The following PCDH15 variants were observed in gnomAD, a reference collection of about 807,000 sequenced individuals.
PCDH15 encodes protocadherin-15.
A neutral mutation model predicts 178.5 loss-of-function variants in PCDH15; 129 were observed. That is an observed-to-expected ratio of 0.72 (90% CI 0.63 to 0.84). PCDH15 has a LOEUF of 0.84. PCDH15 is among the 40% of genes least tolerant of loss of function. The pLI, the probability that PCDH15 is intolerant of heterozygous loss-of-function variation, is 0.00. For missense variants in PCDH15, 2,230 were observed against 2,099.9 expected (o/e 1.06, Z -1.21); for synonymous variants, 800 against 732.0 (o/e 1.09, Z -1.50).
intron 3 of PCDH15, among the ~76,000 whole-genome samples, chr10:54,850,948 T>C (rs1477483792): frequency 4.6e-5 from 7 of 152,172 alleles, no homozygotes; most frequent in Admixed American, 3.3e-4. Context: ...TAGAGGGCTT[T>C]AGCATGGAAG....
intron 2 of PCDH15, among the ~76,000 whole-genome samples, chr10:55,576,834 C>T (rs533134450): frequency 1.3e-4 from 20 of 152,226 alleles, no homozygotes; most frequent in African/African-American, 4.6e-4. Context: ...GAGTTATTTG[C>T]ATCTCATCTC....
At chr10:54,132,113 C>T (rs1277419781) in intron 15 of PCDH15, among the ~76,000 whole-genome samples, 1 of 152,128 alleles carries the variant, frequency 6.6e-6, no homozygotes, top group Non-Finnish European at 1.5e-5. Flanking sequence ...ACTCTGTTCT[C>T]TGAACATTCA....
intron 1 of PCDH15, among the ~76,000 whole-genome samples, chr10:54,774,106 G>A (rs1226449031): frequency 7.4e-6 from 1 of 135,516 alleles, no homozygotes; most frequent in South Asian, 2.5e-4. Flanking sequence ...TCGGCTCACT[G>A]CAAGCTCCGC....
Position 53,803,239 on chromosome 10 carries a change from T to G in PCDH15, c.*3340A>C, listed in dbSNP as rs541756757. The G allele has an allele frequency of 6.6e-6, 1 of 151,860 alleles. No homozygotes were observed. Among genetic ancestry groups the G allele is most frequent in the Non-Finnish European group, 1.5e-5 (1 of 67,850 alleles). 9.4% of individuals were successfully genotyped at this position (151,860 alleles called of 1,614,324 possible). A position where few individuals can be genotyped will look rare whatever the true frequency, so the allele number is the denominator to read the frequency against. Reference sequence around the variant, plus strand: ...TGCCCTGAGAATAGATTATTAGCACTTTTTGCCTATTTTGCTAATTAAATT... The same window carrying G: ...TGCCCTGAGAATAGATTATTAGCACGTTTTGCCTATTTTGCTAATTAAATT... On this transcript the variant is annotated 3_prime_UTR_variant, in exon 38 of 38. Coordinates refer to ENST00000644397, the MANE Select transcript of PCDH15 (RefSeq NM_001384140.1).
At chr10:54,277,424 T>C (rs2058412450) in intron 8 of PCDH15, among the ~76,000 whole-genome samples, 1 of 151,622 alleles carries the variant, frequency 6.6e-6, no homozygotes, top group Non-Finnish European at 1.5e-5. Flanking sequence ...GGAAGGTACA[T>C]GACATTCCTA....
intron 32 of PCDH15, chr10:53,823,712 C>T: frequency 1.1e-5 from 5 of 449,400 alleles, no homozygotes; most frequent in South Asian, 7.8e-5. Flanking sequence ...CACAGTTCTT[C>T]CCATTGCAGA....
Position 53,961,789 on chromosome 10 carries a change from C to T in PCDH15, c.2972G>A (p.Arg991Gln), listed in dbSNP as rs778587742. 6.8e-6 allele frequency: 11 copies of T among 1,610,102 alleles called. No individual in the cohort carries two copies. The South Asian group carries it at 1.0e-4, about 15-fold the overall frequency. ...VEEDSGRVIT[R>Q]VNLNEEPTTI... ...TGTAGGTTCTTCATTAAGATTGACT[C>T]GTGTTATTACTCTTCCAGAATCTTC... Residue 991 changes from arginine (R) to glutamine (Q), a missense_variant, in exon 22 of 38, where the codon CGA becomes CAA. Physicochemically the swap from Arg to Gln is conservative, Grantham distance 43. Coordinates refer to ENST00000644397, the MANE Select transcript of PCDH15 (RefSeq NM_001384140.1).
At chr10:54,510,410 C>A (rs774125489) in intron 3 of PCDH15, among the ~76,000 whole-genome samples, 1 of 152,156 alleles carries the variant, frequency 6.6e-6, no homozygotes, top group East Asian at 1.9e-4. Flanking sequence ...GTGATTAATT[C>A]TCTCTACTTG....
chr10:55,336,334 C>G (rs1386147796), intron 2 of PCDH15, among the ~76,000 whole-genome samples: 1 of 151,722 alleles, frequency 6.6e-6, no homozygotes, highest in East Asian at 2.0e-4. Flanking sequence ...CCCCTCTCTA[C>G]TAAAAATACA....
chr10:55,076,625 A>T (rs1841895714), intron 2 of PCDH15, among the ~76,000 whole-genome samples: 1 of 151,074 alleles, frequency 6.6e-6, no homozygotes, highest in Admixed American at 6.6e-5. Context: ...TATTATTATT[A>T]TTTTTGGTCT....
chr10:55,322,434 GA>G (rs1165957886), upstream of PCDH15, among the ~76,000 whole-genome samples: 1 of 152,184 alleles, frequency 6.6e-6, no homozygotes, highest in Non-Finnish European at 1.5e-5. Flanking sequence ...AGCACATTTG[GA>G]ACTGGGTAAC....
chr10:55,320,320 G>T (rs772760571), upstream of PCDH15, among the ~76,000 whole-genome samples: 5 of 151,928 alleles, frequency 3.3e-5, no homozygotes, highest in Non-Finnish European at 4.4e-5. Flanking sequence ...GCCTCCCTCA[G>T]CACCCCCTCC....
At chr10:54,566,160 A>T (rs2089003497) in intron 2 of PCDH15, among the ~76,000 whole-genome samples, 1 of 152,152 alleles carries the variant, frequency 6.6e-6, no homozygotes. Flanking sequence ...TTGTGGTATA[A>T]TTTTTTGTCA....
At chr10:54,359,254 A>T (rs1043381880) in intron 5 of PCDH15, among the ~76,000 whole-genome samples, 4 of 150,830 alleles carry the variant, frequency 2.7e-5, no homozygotes, top group Non-Finnish European at 5.9e-5. Flanking sequence ...GCTTAAATAA[A>T]CCTTTAAAAA....
intron 3 of PCDH15, among the ~76,000 whole-genome samples, chr10:54,404,566 C>A (rs1490201547): frequency 1.3e-5 from 2 of 151,336 alleles, no homozygotes; most frequent in Non-Finnish European, 3.0e-5. Flanking sequence ...CTATAAAAAC[C>A]CATTTCTCTG....
intron 1 of PCDH15, among the ~76,000 whole-genome samples, chr10:55,217,344 C>A (rs997175630): frequency 6.6e-5 from 10 of 151,676 alleles, no homozygotes; most frequent in African/African-American, 2.4e-4. Flanking sequence ...TGGTTTTTGC[C>A]ATAATAAAAC....
chr10:55,531,274 A>T (rs1024737268), intron 2 of PCDH15, among the ~76,000 whole-genome samples: 28 of 151,974 alleles, frequency 1.8e-4, no homozygotes, highest in African/African-American at 5.8e-4. Flanking sequence ...GCAGTAAAAA[A>T]GTAGACTGAG....
intron 3 of PCDH15, among the ~76,000 whole-genome samples, chr10:54,482,099 T>G (rs2078760447): frequency 6.6e-6 from 1 of 151,890 alleles, no homozygotes; most frequent in East Asian, 1.9e-4. Flanking sequence ...GAGAACTAAC[T>G]GATTTTTGGC....
intron 2 of PCDH15, among the ~76,000 whole-genome samples, chr10:55,403,312 T>A (rs759446236): frequency 1.3e-5 from 2 of 151,722 alleles, no homozygotes; most frequent in Non-Finnish European, 2.9e-5. Context: ...TTTTCTCCCA[T>A]GTTACATGTG....
Sources: gnomAD v4.1 joint callset for allele counts (sites outside exome capture counted in the v4.1 genomes callset) on GRCh38, gnomAD v4.1.1 for gene constraint, MANE v1.5 for transcripts, NCBI Gene and HGNC (gene_info 2026-07-23, HGNC 2026-07-21) for gene names.